COLQ: variants seen among roughly 807,000 people sequenced by gnomAD.
COLQ encodes the protein collagen like tail subunit of asymmetric acetylcholinesterase, also known as acetylcholinesterase collagenic tail peptide.
In COLQ, 48 loss-of-function variants were observed where a neutral mutation model predicts 69.0. That is an observed-to-expected ratio of 0.70 (90% confidence interval 0.55 to 0.88). COLQ has a LOEUF of 0.88. Ranked by LOEUF, COLQ falls within the 40% of genes least tolerant of loss-of-function variation. COLQ has a pLI of 0.00. For missense variants in COLQ, 618 were observed against 594.6 expected, an observed-to-expected ratio of 1.04 and a Z score of -0.41; for synonymous variants, 217 against 211.2, an observed-to-expected ratio of 1.03 and a Z score of -0.24.
At chr3:15,518,917 T>C (rs1206624568) in intron 1 of COLQ, among the ~76,000 whole-genome samples, 2 of 152,238 alleles carry the variant, frequency 1.3e-5, no homozygotes, top group Non-Finnish European at 2.9e-5. Flanking sequence ...GTTGCCCTTA[T>C]TTTCTGTGTA....
At position 15,474,022 on chromosome 3, in the gene COLQ, A is replaced by C; in HGVS notation, c.614T>G (p.Phe205Cys). Residue 205 changes from phenylalanine (F) to cysteine (C), a missense_variant, in exon 10 of 17, where the codon TTT (phenylalanine) becomes TGT (cysteine). Transcript: ENST00000383788. ...GPKGEKGFPGFPGMLGQKGEM... is the reference protein window; with the variant it reads ...GPKGEKGFPGCPGMLGQKGEM... The stretch of plus-strand genomic sequence containing the variant: ...TACTTTCTGCCCCAACATTCCAGGA[A>C]ATCCTGGGAAACCCTGTGAAAAGAG... 1.2e-6 allele frequency: 2 copies of C among 1,614,172 alleles called. No homozygotes were observed. Among genetic ancestry groups the C allele is most frequent in the South Asian group, 2.2e-5 (2 of 91,082 alleles).
At chr3:15,471,129 T>A (rs1272548880) in intron 10 of COLQ, among the ~76,000 whole-genome samples, 1 of 152,262 alleles carries the variant, frequency 6.6e-6, no homozygotes, top group Non-Finnish European at 1.5e-5. Context: ...ATTTAATGAC[T>A]CTTGCTTAGG....
intron 1 of COLQ, among the ~76,000 whole-genome samples, chr3:15,520,434 A>G (rs1326550784): frequency 6.6e-6 from 1 of 152,236 alleles, no homozygotes; most frequent in African/African-American, 2.4e-5. Context: ...ATCAATGGAC[A>G]GCAGTTGGGA....
intron 1 of COLQ, chr3:15,498,600 C>T (rs1441666830): frequency 1.9e-6 from 3 of 1,551,644 alleles, no homozygotes; most frequent in Non-Finnish European, 2.6e-6. Context: ...TGAGGCAGGG[C>T]CCAAAGCGGA....
At chr3:15,513,468 G>A (rs544735578) in intron 1 of COLQ, among the ~76,000 whole-genome samples, 1 of 152,222 alleles carries the variant, frequency 6.6e-6, no homozygotes, top group African/African-American at 2.4e-5. Context: ...GAAGAGAGTG[G>A]TGAAAATCCC....
chr3:15,479,241 G>A, intron 4 of COLQ, 97 bp downstream of exon 4: 1 of 1,362,224 alleles, frequency 7.3e-7, no homozygotes, highest in Non-Finnish European at 1.1e-6. Context: ...GTTAGCACAT[G>A]TTTGGAAATC....
At chr3:15,515,972 C>T (rs759057952) in intron 1 of COLQ, among the ~76,000 whole-genome samples, 1 of 151,994 alleles carries the variant, frequency 6.6e-6, no homozygotes, top group Non-Finnish European at 1.5e-5. Context: ...GTGAGTGTGG[C>T]AAACAGTAAG....
chr3:15,503,856 G>A (rs1347239910), intron 1 of COLQ, among the ~76,000 whole-genome samples: 2 of 152,122 alleles, frequency 1.3e-5, no homozygotes, highest in East Asian at 3.9e-4. Flanking sequence ...TAGAGAGAAT[G>A]AGCAGGAAAC....
At chr3:15,502,330 C>T (rs555102078) in intron 1 of COLQ, among the ~76,000 whole-genome samples, 137 of 151,860 alleles carry the variant, frequency 9.0e-4, no homozygotes, top group Middle Eastern at 3.4e-3. Context: ...TTGGCCAGGC[C>T]GGTCTTGAAC....
At chr3:15,499,013 A>AT in intron 1 of COLQ, 134 of 1,055,454 alleles carry the variant, frequency 1.3e-4, no homozygotes, top group East Asian at 5.0e-4. Flanking sequence ...GGTAAGCCTC[A>AT]AAGTCAACCC....
intron 3 of COLQ, among the ~76,000 whole-genome samples, chr3:15,483,198 G>A (rs569651556): frequency 2.4e-4 from 37 of 151,868 alleles, no homozygotes; most frequent in African/African-American, 7.7e-4. Context: ...GGGTTTTTTC[G>A]TGTCTCTATC....
intron 1 of COLQ, among the ~76,000 whole-genome samples, chr3:15,512,646 T>C (rs1282511261): frequency 6.6e-6 from 1 of 152,178 alleles, no homozygotes; most frequent in Non-Finnish European, 1.5e-5. Context: ...ACACAATTAA[T>C]TATGGAAAAA....
chr3:15,511,244 C>A (rs76909367), intron 1 of COLQ, among the ~76,000 whole-genome samples: 1 of 152,178 alleles, frequency 6.6e-6, no homozygotes, highest in African/African-American at 2.4e-5. Flanking sequence ...CTAAGGACTG[C>A]GCTGCAAGTC....
intron 1 of COLQ, among the ~76,000 whole-genome samples, chr3:15,508,557 TGTATATTAA>T (rs1559532211): frequency 6.6e-6 from 1 of 152,186 alleles, no homozygotes; most frequent in Non-Finnish European, 1.5e-5. Flanking sequence ...TCAAATGCTA[TGTATATTAA>T]GTAATGGCCA....
chr3:15,497,114 G>T (rs1422964317), intron 1 of COLQ, among the ~76,000 whole-genome samples: 3 of 142,260 alleles, frequency 2.1e-5, no homozygotes, highest in Non-Finnish European at 3.0e-5. Flanking sequence ...TGGGTTCTCA[G>T]CCCACTGCAA....
In COLQ at chr3:15,450,427, A is replaced by G. The variant is rs2125075439; in HGVS notation, c.*1217T>C. On this transcript the variant is annotated 3_prime_UTR_variant, in exon 17 of 17. Coordinates refer to ENST00000383788, the MANE Select transcript of COLQ (RefSeq NM_005677.4). ...TACAAAAACCCAAGGGTGTCCCTCC[A>G]GCTGGTAAAAATTGGGCAATTTCTA... The G allele has an allele frequency of 6.5e-6, 1 of 153,942 alleles. No homozygotes were observed. Among genetic ancestry groups the G allele is most frequent in the Non-Finnish European group, 1.5e-5 (1 of 68,058 alleles). 9.5% of individuals were successfully genotyped at this position (153,942 alleles called of 1,614,324 possible). A position where few individuals can be genotyped will look rare whatever the true frequency, so the allele number is the denominator to read the frequency against.
rs1458031794 is a variant in COLQ at position 15,473,410 on chromosome 3, G to A, written c.636+590C>T. Among the ~76,000 whole-genome samples the A allele has an allele frequency of 2.0e-5, 3 of 152,080 alleles. No individual in the cohort carries two copies. The highest frequency in any genetic ancestry group is 4.4e-5 in the Non-Finnish European group (3 of 68,012). ...TGGGTTCAAGCCATCTGCCCACCTC[G>A]GCCTCCCAAAGTGCTGGGATTACAG... On this transcript the variant is annotated intron_variant, in intron 10 of 16. Coordinates refer to ENST00000383788, the MANE Select transcript of COLQ (RefSeq NM_005677.4). The surrounding 1 kb of genome is among the most constrained non-coding windows in gnomAD (Gnocchi z 4.0).
chr3:15,478,053 A>G (rs1195160257), intron 5 of COLQ, among the ~76,000 whole-genome samples: 1 of 152,224 alleles, frequency 6.6e-6, no homozygotes, highest in East Asian at 1.9e-4. Context: ...CCTAAACCAG[A>G]TATACCAAAT....
chr3:15,478,142 C>T (rs543130720), intron 5 of COLQ, among the ~76,000 whole-genome samples: 108 of 152,296 alleles, frequency 7.1e-4, no homozygotes, highest in African/African-American at 2.4e-3. Flanking sequence ...CCTTGTTAGG[C>T]CTGAGCATGG....
Sources: allele counts gnomAD v4.1 joint callset (sites outside exome capture counted in the v4.1 genomes callset), GRCh38; gene constraint gnomAD v4.1.1; non-coding constraint Gnocchi (gnomAD v3.1); transcripts MANE v1.5; gene names NCBI Gene and HGNC (gene_info 2026-07-23, HGNC 2026-07-21).